The following RTN1 variants were observed in gnomAD, a reference collection of about 807,000 sequenced individuals.
RTN1 encodes the protein reticulon-1.
In RTN1, 25 loss-of-function variants were observed where a neutral mutation model predicts 65.5. That is an observed-to-expected ratio of 0.38 (90% CI 0.28 to 0.53). The LOEUF (loss-of-function observed/expected upper bound fraction) is 0.53. RTN1 is among the 20% of genes least tolerant of loss of function. RTN1 has a pLI of 0.79. For synonymous variants in RTN1, 471 were observed against 447.6 expected (o/e 1.05, Z -0.66); for missense variants, 983 against 1,025.4 (o/e 0.96, Z 0.57).
At chr14:59,859,497 T>G (rs1351012687) in intron 1 of RTN1, among the ~76,000 whole-genome samples, 1 of 152,196 alleles carries the variant, frequency 6.6e-6, no homozygotes, top group African/African-American at 2.4e-5. Context: ...ATCAGCATTA[T>G]GAAAGCTGAC....
At chr14:59,664,310 C>T (rs1314650617) in intron 3 of RTN1, among the ~76,000 whole-genome samples, 1 of 151,942 alleles carries the variant, frequency 6.6e-6, no homozygotes, top group Non-Finnish European at 1.5e-5. Flanking sequence ...CATATCGGGG[C>T]CTGTCAGGTG....
chr14:59,795,476 G>A (rs957965917), intron 1 of RTN1, among the ~76,000 whole-genome samples: 3 of 152,116 alleles, frequency 2.0e-5, no homozygotes, highest in Admixed American at 6.6e-5. Flanking sequence ...CGAGGCAGGA[G>A]GATCACTTGA....
intron 3 of RTN1, among the ~76,000 whole-genome samples, chr14:59,662,146 A>T (rs1883262065): frequency 6.7e-6 from 1 of 149,756 alleles, no homozygotes. Flanking sequence ...TTGGAGTGAA[A>T]TCCAGCTTTC....
At chr14:59,809,475 C>T (rs1886690742) in intron 1 of RTN1, among the ~76,000 whole-genome samples, 1 of 151,914 alleles carries the variant, frequency 6.6e-6, no homozygotes, top group Admixed American at 6.6e-5. Flanking sequence ...CAACATTTCA[C>T]ACCAGGGACT....
At chr14:59,608,348 C>A (rs1051715208) in intron 3 of RTN1, among the ~76,000 whole-genome samples, 2 of 152,224 alleles carry the variant, frequency 1.3e-5, no homozygotes, top group African/African-American at 4.8e-5. Context: ...TGCAGTGTAC[C>A]TGCAGACACC....
At chr14:59,781,965 G>A (rs1367255971) in intron 1 of RTN1, among the ~76,000 whole-genome samples, 1 of 152,078 alleles carries the variant, frequency 6.6e-6, no homozygotes, top group African/African-American at 2.4e-5. Context: ...TAATTCCCAA[G>A]CGATGGTATG....
At chr14:59,762,011 G>A (rs528513996) in intron 1 of RTN1, among the ~76,000 whole-genome samples, 1 of 152,316 alleles carries the variant, frequency 6.6e-6, no homozygotes, top group Non-Finnish European at 1.5e-5. Flanking sequence ...GTGTGATGTG[G>A]TATGTGGTGT....
intron 1 of RTN1, among the ~76,000 whole-genome samples, chr14:59,750,832 C>A (rs1160226060): frequency 4.2e-5 from 6 of 143,260 alleles, no homozygotes; most frequent in Admixed American, 2.3e-4. Context: ...ATCTAGTTCA[C>A]CCTCCCAAGT....
At chr14:59,632,684 T>C (rs76950913) in intron 3 of RTN1, among the ~76,000 whole-genome samples, 44 of 152,308 alleles carry the variant, frequency 2.9e-4, no homozygotes, top group African/African-American at 9.1e-4. Context: ...ACAGTCTGTA[T>C]AGTGTGTATG....
chr14:59,739,487 G>A (rs1885071566), intron 2 of RTN1, among the ~76,000 whole-genome samples: 1 of 150,586 alleles, frequency 6.6e-6, no homozygotes, highest in African/African-American at 2.5e-5. Context: ...GTTGCAGTGA[G>A]CCGAGATCAT....
chr14:59,843,701 T>G (rs1374686569), intron 1 of RTN1, among the ~76,000 whole-genome samples: 11 of 152,286 alleles, frequency 7.2e-5, no homozygotes, highest in Non-Finnish European at 1.0e-4. Flanking sequence ...TTGAGCACAA[T>G]TTATCTAAGG....
intron 1 of RTN1, among the ~76,000 whole-genome samples, chr14:59,763,131 ACTCT>A (rs200403383): frequency 1.3e-5 from 2 of 151,562 alleles, no homozygotes; most frequent in Admixed American, 6.6e-5. Context: ...GATTTAACTA[ACTCT>A]CTCTCTCTCC....
intron 1 of RTN1, among the ~76,000 whole-genome samples, chr14:59,797,506 A>G (rs1259350404): frequency 6.6e-6 from 1 of 152,192 alleles, no homozygotes; most frequent in Non-Finnish European, 1.5e-5. Flanking sequence ...CCATTGTGCA[A>G]TCAGTAACCA....
At chr14:59,628,947 G>A (rs1272287997) in intron 3 of RTN1, among the ~76,000 whole-genome samples, 1 of 152,158 alleles carries the variant, frequency 6.6e-6, no homozygotes, top group Non-Finnish European at 1.5e-5. Flanking sequence ...CTAAAATCCA[G>A]TGTTTATGTC....
chr14:59,739,650 GC>G (rs1185844060), intron 2 of RTN1, among the ~76,000 whole-genome samples: 1 of 152,142 alleles, frequency 6.6e-6, no homozygotes, highest in Non-Finnish European at 1.5e-5. Context: ...AGTTGTGGTG[GC>G]CATAGGATAG....
At chr14:59,717,609 G>C (rs1594696837) in intron 3 of RTN1, among the ~76,000 whole-genome samples, 1 of 152,206 alleles carries the variant, frequency 6.6e-6, no homozygotes, top group African/African-American at 2.4e-5. Context: ...TAGTGGCATT[G>C]TGGGGTGGAG....
chr14:59,801,811 C>A (rs1886551791), intron 1 of RTN1, among the ~76,000 whole-genome samples: 1 of 152,118 alleles, frequency 6.6e-6, no homozygotes, highest in Non-Finnish European at 1.5e-5. Flanking sequence ...AAGTTAAAGT[C>A]TTCTATACTT....
chr14:59,821,551 T>C (rs868218759), intron 1 of RTN1, among the ~76,000 whole-genome samples: 1 of 152,214 alleles, frequency 6.6e-6, no homozygotes. Flanking sequence ...CAATAGTATG[T>C]TGAATAGGAA....
At chr14:59,707,038 T>C (rs1884309611) in intron 3 of RTN1, among the ~76,000 whole-genome samples, 1 of 152,202 alleles carries the variant, frequency 6.6e-6, no homozygotes, top group African/African-American at 2.4e-5. Context: ...ATACAGGTGT[T>C]CTAACCATGT....
Sources: allele counts gnomAD v4.1 joint callset (sites outside exome capture counted in the v4.1 genomes callset), GRCh38; gene constraint gnomAD v4.1.1; transcripts MANE v1.5; gene names NCBI Gene and HGNC (gene_info 2026-07-23, HGNC 2026-07-21).